GGH: variants seen among roughly 807,000 people sequenced by gnomAD.
GGH encodes gamma-glutamyl hydrolase.
In GGH, 18 loss-of-function variants were observed where a neutral mutation model predicts 39.2. That is an observed-to-expected ratio of 0.46 (90% confidence interval 0.32 to 0.68). The LOEUF (loss-of-function observed/expected upper bound fraction) is 0.68. GGH is among the 30% of genes least tolerant of loss of function. GGH has a pLI of 0.04. For missense variants in GGH, 367 were observed against 384.1 expected (o/e 0.96, Z 0.37); for synonymous variants, 147 against 138.8 (o/e 1.06, Z -0.42).
chr8:63,020,986 C>T (rs887497310), intron 7 of GGH, among the ~76,000 whole-genome samples: 4 of 152,086 alleles, frequency 2.6e-5, no homozygotes, highest in African/African-American at 9.7e-5. Context: ...ATTGGGAGGA[C>T]GAAACATGAT....
chr8:63,035,504 C>T, intron 2 of GGH, 152 bp downstream of exon 2: 1 of 1,095,592 alleles, frequency 9.1e-7, no homozygotes, highest in Admixed American at 3.3e-5. Context: ...CAGGGCTTCA[C>T]CAGGTTGGCC....
chr8:63,019,867 C>T (rs965795014), intron 7 of GGH, among the ~76,000 whole-genome samples: 1 of 152,046 alleles, frequency 6.6e-6, no homozygotes, highest in African/African-American at 2.4e-5. Flanking sequence ...TTCTTGTTTC[C>T]TAATCTTAAA....
chr8:63,017,732 TATCA>T (rs1804513292), intron 7 of GGH, 102 bp from the exon 8 acceptor site: 1 of 662,312 alleles, frequency 1.5e-6, no homozygotes. Flanking sequence ...TAATTCACCT[TATCA>T]GACAAGGTAA....
intron 1 of GGH, among the ~76,000 whole-genome samples, chr8:63,037,117 T>C (rs558148094): frequency 6.6e-6 from 1 of 152,356 alleles, no homozygotes; most frequent in African/African-American, 2.4e-5. Context: ...TTGTCTGTAT[T>C]ACTCACTTTT....
intron 4 of GGH, chr8:63,026,950 A>T (rs1201730586): frequency 3.8e-6 from 2 of 520,648 alleles, no homozygotes; most frequent in Non-Finnish European, 3.4e-6. Context: ...ATTAACAAGC[A>T]TCAAGAGAGG....
rs757415189 is a variant in GGH at position 63,030,228 on chromosome 8, TAA to T, written c.225-13_225-12del. Reference sequence around the variant, plus strand: ...TCTGTAAGATCCAGCCTGAAAACAATAAAAGTTATTGTTACATTTGTGAAACT... The same window carrying T: ...TCTGTAAGATCCAGCCTGAAAACAATAAGTTATTGTTACATTTGTGAAACT... On this transcript the variant is annotated splice_polypyrimidine_tract_variant and intron_variant, in intron 2 of 8. Coordinates refer to ENST00000260118, the MANE Select transcript of GGH (RefSeq NM_003878.3). 4.9e-4 allele frequency: 611 copies of T among 1,243,794 alleles called. 1 individual carries two copies. The highest frequency in any genetic ancestry group is 6.5e-4 in the Non-Finnish European group (548 of 846,000). 77.0% of individuals were successfully genotyped at this position (1,243,794 alleles called of 1,614,324 possible).
chr8:63,034,009 TTA>T (rs1001950691), intron 2 of GGH, among the ~76,000 whole-genome samples: 14 of 141,580 alleles, frequency 9.9e-5, no homozygotes, highest in South Asian at 6.6e-4. Flanking sequence ...ATGTCTCTCC[TTA>T]TATATATATA....
At chr8:63,029,185 A>G (rs72658375) in intron 3 of GGH, among the ~76,000 whole-genome samples, 18,948 of 152,166 alleles carry the variant, frequency 0.12, 1,379 homozygotes, top group East Asian at 0.34. Flanking sequence ...AATCAGAAAC[A>G]ACTGCCATTA....
chr8:63,035,295 T>C (rs898903713), intron 2 of GGH, among the ~76,000 whole-genome samples: 3 of 152,152 alleles, frequency 2.0e-5, no homozygotes, highest in African/African-American at 7.2e-5. Flanking sequence ...GCACGAATTT[T>C]AGAGATATTA....
intron 8 of GGH, among the ~76,000 whole-genome samples, chr8:63,017,052 G>A (rs528000593): frequency 4.4e-4 from 67 of 152,278 alleles, no homozygotes; most frequent in African/African-American, 1.5e-3. Context: ...AGAGCTTGGT[G>A]TGGTAGTCTG....
intron 2 of GGH, among the ~76,000 whole-genome samples, chr8:63,034,080 A>G (rs1049473762): frequency 1.3e-5 from 2 of 148,798 alleles, no homozygotes; most frequent in African/African-American, 4.9e-5. Flanking sequence ...CACGGTCAGC[A>G]CTAACATCCC....
chr8:63,028,902 T>C (rs981797093), intron 3 of GGH, among the ~76,000 whole-genome samples: 1 of 152,190 alleles, frequency 6.6e-6, no homozygotes, highest in Non-Finnish European at 1.5e-5. Context: ...AGGTCTATTT[T>C]TGAGGTTCTA....
At chr8:63,019,287 A>G (rs1804543527) in intron 7 of GGH, among the ~76,000 whole-genome samples, 1 of 152,228 alleles carries the variant, frequency 6.6e-6, no homozygotes. Context: ...CAGAACCAAC[A>G]GCCAATACCA....
At chr8:63,017,974 C>CA in intron 7 of GGH, 1 of 188,462 alleles carries the variant, frequency 5.3e-6, no homozygotes. Context: ...GTCTCTTTCT[C>CA]CCGTCTTGTA....
intron 8 of GGH, among the ~76,000 whole-genome samples, 188 bp from the exon 9 acceptor site, chr8:63,015,641 C>CAA (rs372991597): frequency 0.1 from 12,814 of 127,028 alleles, 787 homozygotes; most frequent in East Asian, 0.36. Context: ...ACTTACTTTC[C>CAA]AAAAAAAAAA....
chr8:63,034,815 T>C (rs981926178), intron 2 of GGH, among the ~76,000 whole-genome samples: 1 of 152,206 alleles, frequency 6.6e-6, no homozygotes, highest in African/African-American at 2.4e-5. Context: ...ACCTCCTTCA[T>C]TCCCTAACTG....
chr8:63,026,285 A>G lies in GGH; in HGVS notation c.372T>C (p.Asp124=). The change falls in exon 5 of 9, where the codon GAT becomes GAC. Residue 124 remains aspartate, a synonymous_variant. Coordinates refer to ENST00000260118, the MANE Select transcript of GGH (RefSeq NM_003878.3). The part of the protein sequence containing the change: ...FYNLSIQSFD[D]GDYFPVWGTC... ...TGCCCCACACAGGAAAATAGTCTCC[A>G]TCATCAAAACTCTTTGCAAGTGGAA... 1 of 1,601,080 alleles carries G rather than the reference A, an allele frequency of 6.2e-7. No individual in the cohort carries two copies. Among genetic ancestry groups the G allele is most frequent in the Non-Finnish European group, 8.5e-7 (1 of 1,175,354 alleles).
chr8:63,031,172 C>CA (rs1307747201), intron 2 of GGH, among the ~76,000 whole-genome samples: 1 of 152,198 alleles, frequency 6.6e-6, no homozygotes, highest in Non-Finnish European at 1.5e-5. Flanking sequence ...AAGTCCCTCA[C>CA]ACCCATTATT....
rs1407163098 is a variant in GGH at position 63,017,546 on chromosome 8, G to A, written c.782C>T (p.Ala261Val). The change falls in exon 8 of 9, where the codon GCA (alanine) becomes GTA (valine). Residue 261 changes from alanine (A) to valine (V), a missense_variant. Coordinates refer to ENST00000260118, the MANE Select transcript of GGH (RefSeq NM_003878.3). ...AAATGCGGTTTTCACAGCATTAGGT[G>A]CATGGGAAATGCCATCCAAATTCTT... is the stretch of plus-strand genomic sequence containing the variant. ...EWKNLDGISH[A>V]PNAVKTAFYL... 1.9e-6 allele frequency: 3 copies of A among 1,610,392 alleles called. No individual in the cohort carries two copies. Among genetic ancestry groups the A allele is most frequent in the Non-Finnish European group, 1.7e-6 (2 of 1,176,906 alleles).
Sources: gnomAD v4.1 joint callset for allele counts (sites outside exome capture counted in the v4.1 genomes callset) on GRCh38, gnomAD v4.1.1 for gene constraint, MANE v1.5 for transcripts, NCBI Gene and HGNC (gene_info 2026-07-23, HGNC 2026-07-21) for gene names.